TANC1: variants seen among roughly 807,000 people sequenced by gnomAD.
The protein encoded by TANC1 is protein TANC1.
Under a neutral mutation model 149.7 loss-of-function variants are expected in TANC1, and 77 were observed. The ratio of observed to expected loss-of-function variants is 0.51; its 90% CI spans 0.43 to 0.62. The LOEUF (loss-of-function observed/expected upper bound fraction) is 0.62. TANC1 is among the 20% of genes least tolerant of loss of function. The probability of loss-of-function intolerance (pLI) is 0.00; values close to 1 mark genes in which losing one functional copy is unlikely to be tolerated. For synonymous variants in TANC1, 854 were observed against 925.0 expected, an observed-to-expected ratio of 0.92 and a Z score of 1.39; for missense variants, 1,985 against 2,321.8, an observed-to-expected ratio of 0.85 and a Z score of 2.98.
chr2:159,196,801 G>A lies in TANC1; in HGVS notation c.3165+8G>A. On this transcript the variant is annotated splice_region_variant and intron_variant, in intron 18 of 26. Coordinates refer to ENST00000263635, the MANE Select transcript of TANC1 (RefSeq NM_033394.3). ...AGCATGGGCCACAGCTCGGTGAGTG[G>A]GGCAGGGGTTTCCCTCCTGGGAAAC... is the stretch of plus-strand genomic sequence containing the variant. 1 of 1,601,872 alleles carries A rather than the reference G, an allele frequency of 6.2e-7. No homozygotes were observed. The highest frequency in any genetic ancestry group is 8.5e-7 in the Non-Finnish European group (1 of 1,176,272).
chr2:159,116,253 C>T (rs868440239), intron 4 of TANC1, among the ~76,000 whole-genome samples: 2 of 151,888 alleles, frequency 1.3e-5, no homozygotes, highest in African/African-American at 2.4e-5. Flanking sequence ...GGTGAAACCC[C>T]GTCTCTACTA....
chr2:159,127,158 G>T (rs533147666), intron 4 of TANC1, among the ~76,000 whole-genome samples: 5 of 152,260 alleles, frequency 3.3e-5, no homozygotes, highest in Admixed American at 6.5e-5. Flanking sequence ...CGAAGGACAT[G>T]AACAGACAAT....
At chr2:158,982,782 A>AT (rs1234210549) in intron 1 of TANC1, among the ~76,000 whole-genome samples, 2 of 151,716 alleles carry the variant, frequency 1.3e-5, no homozygotes, top group Non-Finnish European at 2.9e-5. Flanking sequence ...TAATTTTTTT[A>AT]TTTTTTTATT....
At chr2:159,133,944 T>C (rs2050375829) in intron 4 of TANC1, among the ~76,000 whole-genome samples, 1 of 152,252 alleles carries the variant, frequency 6.6e-6, no homozygotes, top group African/African-American at 2.4e-5. Context: ...ATTGGATTAT[T>C]TTTATAGTAG....
chr2:159,134,219 G>T (rs1265139411), intron 4 of TANC1, among the ~76,000 whole-genome samples: 3 of 152,118 alleles, frequency 2.0e-5, no homozygotes, highest in Non-Finnish European at 4.4e-5. Context: ...TCCTATCTTT[G>T]TGGTCTTGCT....
intron 1 of TANC1, among the ~76,000 whole-genome samples, chr2:158,970,962 T>A (rs775407448): frequency 1.3e-5 from 2 of 152,248 alleles, no homozygotes; most frequent in East Asian, 1.9e-4. Flanking sequence ...CAAATTATTA[T>A]AATTTATATC....
intron 7 of TANC1, among the ~76,000 whole-genome samples, chr2:159,153,228 C>T (rs2053050810): frequency 6.6e-6 from 1 of 152,230 alleles, no homozygotes; most frequent in Non-Finnish European, 1.5e-5. Flanking sequence ...CCCCATTCCA[C>T]ATGGGCTTTG....
intron 3 of TANC1, among the ~76,000 whole-genome samples, chr2:159,094,780 G>T (rs1368293785): frequency 3.7e-4 from 55 of 148,262 alleles, no homozygotes; most frequent in African/African-American, 1.1e-3. Flanking sequence ...TGTGTGGGGG[G>T]GGGGTGGGGG....
In TANC1 at chr2:159,214,763, C is replaced by T. The variant is rs138761128; in HGVS notation, c.3245-2734C>T. On this transcript the variant is annotated intron_variant, in intron 19 of 26. Transcript: ENST00000263635. ...CTGGGAATCAGCTCCTGACTTGTTA[C>T]CTCCTCTGGTCCACCACCGCTTTAG... 9.4e-3 allele frequency among the ~76,000 whole-genome samples: 1,434 copies of T among 152,304 alleles called. 13 individuals are homozygous for T. The highest frequency in any genetic ancestry group is 0.015 in the Non-Finnish European group (989 of 68,028).
At chr2:159,059,931 G>GTGTGTGT (rs2042118015) in intron 2 of TANC1, among the ~76,000 whole-genome samples, 1 of 38,672 alleles carries the variant, frequency 2.6e-5, no homozygotes. Flanking sequence ...TGTGTGTGTG[G>GTGTGTGT]TTTTTTGTTG....
At chr2:159,113,192 G>A (rs926200528) in intron 4 of TANC1, among the ~76,000 whole-genome samples, 10 of 151,764 alleles carry the variant, frequency 6.6e-5, no homozygotes, top group African/African-American at 2.4e-4. Flanking sequence ...TCCTGGACTT[G>A]AGCAATCTTC....
intron 7 of TANC1, among the ~76,000 whole-genome samples, chr2:159,156,016 GC>G (rs2053394955): frequency 6.6e-6 from 1 of 152,160 alleles, no homozygotes; most frequent in Non-Finnish European, 1.5e-5. Flanking sequence ...TGGACTTTGT[GC>G]CCCAAGGGAG....
chr2:159,215,310 C>T (rs1309825495), intron 19 of TANC1, among the ~76,000 whole-genome samples: 1 of 152,210 alleles, frequency 6.6e-6, no homozygotes, highest in Non-Finnish European at 1.5e-5. Flanking sequence ...AGGTTGCCAG[C>T]CACACTGCAC....
chr2:159,180,193 GT>G (rs1445680925), intron 14 of TANC1, among the ~76,000 whole-genome samples: 1 of 152,200 alleles, frequency 6.6e-6, no homozygotes, highest in East Asian at 1.9e-4. Flanking sequence ...CTGGCTGAAG[GT>G]TTGTTGTTAT....
At chr2:159,167,401 T>C (rs574149542) in intron 8 of TANC1, among the ~76,000 whole-genome samples, 18 of 152,300 alleles carry the variant, frequency 1.2e-4, no homozygotes, top group African/African-American at 4.3e-4. Context: ...GTAGTCCTGT[T>C]AGCCCTCCGG....
chr2:159,016,606 G>A (rs571792497), intron 2 of TANC1, among the ~76,000 whole-genome samples: 111 of 147,478 alleles, frequency 7.5e-4, no homozygotes, highest in African/African-American at 2.5e-3. Flanking sequence ...ATGGAGTCTC[G>A]CTCTGTCACC....
At chr2:159,199,339 T>C (rs145935413) in intron 19 of TANC1, among the ~76,000 whole-genome samples, 18 of 152,342 alleles carry the variant, frequency 1.2e-4, no homozygotes, top group African/African-American at 4.1e-4. Flanking sequence ...ACTAAGGTGT[T>C]GTTTTCTGAT....
chr2:159,165,617 CA>C (rs2054513605), intron 8 of TANC1, among the ~76,000 whole-genome samples: 1 of 152,196 alleles, frequency 6.6e-6, no homozygotes, highest in Non-Finnish European at 1.5e-5. Flanking sequence ...AGACTCTATG[CA>C]GCACTATTTA....
chr2:159,066,621 T>C (rs1448541149), intron 3 of TANC1, among the ~76,000 whole-genome samples: 2 of 152,212 alleles, frequency 1.3e-5, no homozygotes, highest in African/African-American at 4.8e-5. Flanking sequence ...AGAAATCCCA[T>C]TCCCTTTCCC....
Sources: allele counts gnomAD v4.1 joint callset (sites outside exome capture counted in the v4.1 genomes callset), GRCh38; gene constraint gnomAD v4.1.1; transcripts MANE v1.5; gene names NCBI Gene and HGNC (gene_info 2026-07-23, HGNC 2026-07-21).